ZMIZ1: variants seen among roughly 807,000 people sequenced by gnomAD.
ZMIZ1 encodes the protein zinc finger MIZ-type containing 1.
ZMIZ1 carries 17 observed loss-of-function variants against 113.9 expected under a neutral mutation model. The ratio of observed to expected loss-of-function variants is 0.15; its 90% CI spans 0.10 to 0.22. The LOEUF (loss-of-function observed/expected upper bound fraction) is 0.22. Ranked by LOEUF, ZMIZ1 falls within the 10% of genes least tolerant of loss-of-function variation. ZMIZ1 has a pLI of 1.00. For missense variants in ZMIZ1, 1,059 were observed against 1,477.8 expected (o/e 0.72, Z 4.65); for synonymous variants, 607 against 603.1 (o/e 1.01, Z -0.09).
At chr10:79,305,987 G>A (rs781741505) in intron 21 of ZMIZ1, 113 bp from the exon 22 acceptor site, 1 of 1,484,990 alleles carries the variant, frequency 6.7e-7, no homozygotes, top group South Asian at 1.3e-5. Flanking sequence ...TGTGGTGAGA[G>A]TGGGAGCAGG....
chr10:79,138,779 G>A (rs369242279), intron 2 of ZMIZ1, among the ~76,000 whole-genome samples: 2 of 152,076 alleles, frequency 1.3e-5, no homozygotes, highest in East Asian at 3.8e-4. Context: ...ATACATTTTT[G>A]TTTTACTAGT....
intron 4 of ZMIZ1, among the ~76,000 whole-genome samples, chr10:79,166,002 G>GTGTGTGTGTGTGTGTGTGTGTGTGTGT (rs56386650): frequency 3.7e-4 from 5 of 13,464 alleles, no homozygotes; most frequent in South Asian, 8.5e-4. Context: ...GTGTGTGTGT[G>GTGTGTGTGTGTGTGTGTGTGTGTGTGT]GGCTCTCCCT....
rs973036565 is a variant in ZMIZ1 at position 79,315,216 on chromosome 10, C to G, written c.*2467C>G. On this transcript the variant is annotated 3_prime_UTR_variant, in exon 25 of 25. Coordinates refer to ENST00000334512, the MANE Select transcript of ZMIZ1 (RefSeq NM_020338.4). The stretch of plus-strand genomic sequence containing the variant: ...CCCTTCCGGCTGGCTCTGAACCGTG[C>G]GTGGTGCCTACAGCCTGCAGTCTGG... 1.3e-5 allele frequency: 2 copies of G among 152,720 alleles called. No individual in the cohort carries two copies. The highest frequency in any genetic ancestry group is 4.8e-5 in the African/African-American group (2 of 41,414). The allele number at this position is 152,720 out of a possible 1,614,324, so 9.5% of individuals were successfully genotyped here. A position where few individuals can be genotyped will look rare whatever the true frequency, so the allele number is the denominator to read the frequency against.
At chr10:79,169,800 A>C (rs910371413) in intron 4 of ZMIZ1, among the ~76,000 whole-genome samples, 8 of 152,234 alleles carry the variant, frequency 5.3e-5, no homozygotes, top group Non-Finnish European at 1.0e-4. Context: ...CCCACCTGGC[A>C]GGATAAAATG....
At chr10:79,237,785 C>T (rs967736095) in intron 7 of ZMIZ1, among the ~76,000 whole-genome samples, 6 of 152,220 alleles carry the variant, frequency 3.9e-5, no homozygotes, top group African/African-American at 9.6e-5. Context: ...GGACACAGTT[C>T]ACTCCCTAAC....
intron 7 of ZMIZ1, among the ~76,000 whole-genome samples, chr10:79,258,202 C>T (rs1173176437): frequency 2.0e-5 from 3 of 152,128 alleles, no homozygotes; most frequent in East Asian, 3.9e-4. Context: ...GGCAACATGG[C>T]GAGGACTCAT....
At chr10:79,291,303 T>A in intron 10 of ZMIZ1, 127 bp downstream of exon 10, 1 of 1,210,558 alleles carries the variant, frequency 8.3e-7, no homozygotes, top group East Asian at 2.6e-5. Context: ...TGTTGTTACA[T>A]GAGTTGAAGG....
chr10:79,253,304 A>G (rs1391279232), intron 7 of ZMIZ1, among the ~76,000 whole-genome samples: 2 of 151,996 alleles, frequency 1.3e-5, no homozygotes, highest in African/African-American at 4.8e-5. Context: ...TGGCTGTTGG[A>G]TATAGGGTAG....
At chr10:79,247,458 T>G (rs752584968) in intron 7 of ZMIZ1, among the ~76,000 whole-genome samples, 19 of 152,152 alleles carry the variant, frequency 1.2e-4, no homozygotes, top group Non-Finnish European at 1.3e-4. Context: ...GACCCCTGGG[T>G]GGGCCAAGCA....
intron 3 of ZMIZ1, among the ~76,000 whole-genome samples, chr10:79,145,310 A>G (rs1403155954): frequency 6.6e-6 from 1 of 150,800 alleles, no homozygotes; most frequent in African/African-American, 2.5e-5. Flanking sequence ...CTCCTCCTCC[A>G]CAGTAGAGCC....
rs762150017 is a variant in ZMIZ1, at chr10:79,289,826, G to C, written c.477G>C (p.Gln159His). ...TCCCTTGGCAGCAGAACACCAACCA[G>C]CCTCCCGGCTCCCTTTCCGTGGTCA... is the stretch of plus-strand genomic sequence containing the variant. ...DSVPWQQNTN[Q>H]PPGSLSVVTT... The change falls in exon 9 of 25, where the codon CAG (glutamine) becomes CAC (histidine). Residue 159 changes from glutamine to histidine, a missense_variant. Coordinates refer to ENST00000334512, the MANE Select transcript of ZMIZ1 (RefSeq NM_020338.4). 1 of 1,614,084 alleles carries C rather than the reference G, an allele frequency of 6.2e-7. No homozygotes were observed. Among genetic ancestry groups the C allele is most frequent in the South Asian group, 1.1e-5 (1 of 91,084 alleles).
At chr10:79,307,635 G>A (rs1854813415) in intron 23 of ZMIZ1, 64 bp downstream of exon 23, 2 of 1,551,836 alleles carry the variant, frequency 1.3e-6, no homozygotes, top group Non-Finnish European at 1.8e-6. Flanking sequence ...TTGGGATCTG[G>A]ATACCCTGTT....
At chr10:79,197,642 A>ACC (rs1554867843) in intron 4 of ZMIZ1, among the ~76,000 whole-genome samples, 9 of 145,582 alleles carry the variant, frequency 6.2e-5, no homozygotes, top group African/African-American at 2.3e-4. Context: ...ACACACACAC[A>ACC]CCTGTACCCT....
intron 7 of ZMIZ1, among the ~76,000 whole-genome samples, chr10:79,269,484 C>CACACAT (rs568254695): frequency 0.018 from 2,660 of 148,280 alleles, 120 homozygotes; most frequent in Admixed American, 0.1. Flanking sequence ...CACACACACA[C>CACACAT]ACACACTTTC....
intron 4 of ZMIZ1, among the ~76,000 whole-genome samples, chr10:79,183,382 A>ACG (rs923448830): frequency 6.8e-6 from 1 of 148,014 alleles, no homozygotes; most frequent in Non-Finnish European, 1.5e-5. Flanking sequence ...ACACACACAC[A>ACG]CGCACACACC....
At chr10:79,111,902 T>G (rs1178840551) in intron 1 of ZMIZ1, among the ~76,000 whole-genome samples, 1 of 152,238 alleles carries the variant, frequency 6.6e-6, no homozygotes, top group Non-Finnish European at 1.5e-5. Flanking sequence ...CAAATGTGAA[T>G]AGAATTCAGT....
Position 79,302,212 on chromosome 10 carries a change from A to G in ZMIZ1, c.2125A>G (p.Ile709Val). Residue 709 changes from isoleucine to valine, a missense_variant and splice_region_variant, in exon 18 of 25, where the codon ATC (isoleucine) becomes GTC (valine). This residue lies in a region of ZMIZ1 where 217 missense variants were observed against 426.9 expected (regional missense o/e 0.51). Coordinates refer to ENST00000334512, the MANE Select transcript of ZMIZ1 (RefSeq NM_020338.4). ...LLPAEHCITK[I>V]KRNFSSVAAS... ...GCCCGCAGAGCACTGTATCACGAAA[A>G]GTGAGTCAGGGTGGGGACGGGGGTG... 1 of 1,613,064 alleles carries G rather than the reference A, an allele frequency of 6.2e-7. No individual in the cohort carries two copies. Among genetic ancestry groups the G allele is most frequent in the Non-Finnish European group, 8.5e-7 (1 of 1,179,978 alleles).
intron 2 of ZMIZ1, among the ~76,000 whole-genome samples, chr10:79,134,218 A>C (rs992912865): frequency 1.3e-5 from 2 of 152,158 alleles, no homozygotes; most frequent in African/African-American, 4.8e-5. Flanking sequence ...GGTAGGGGGA[A>C]GGTGCTGCAG....
At chr10:79,093,934 G>A (rs562214824) in intron 1 of ZMIZ1, among the ~76,000 whole-genome samples, 2 of 152,300 alleles carry the variant, frequency 1.3e-5, no homozygotes, top group African/African-American at 2.4e-5. Context: ...CGAGCAAGTC[G>A]GTTTGACTTA....
Sources: gnomAD v4.1 joint callset for allele counts (sites outside exome capture counted in the v4.1 genomes callset) on GRCh38, gnomAD v4.1.1 for gene constraint, gnomAD v4.1.1 regional missense constraint, MANE v1.5 for transcripts, NCBI Gene and HGNC (gene_info 2026-07-23, HGNC 2026-07-21) for gene names.